Variants in ABTB2 observed in about 807,000 individuals in gnomAD.
ABTB2 encodes the protein ankyrin repeat and BTB/POZ domain-containing protein 2.
ABTB2 carries 56 observed loss-of-function variants against 104.1 expected under a neutral mutation model. The ratio of observed to expected loss-of-function variants is 0.54; its 90% confidence interval spans 0.43 to 0.67. The LOEUF is 0.67. ABTB2 is among the 30% of genes least tolerant of loss of function. The pLI, the probability that ABTB2 is intolerant of heterozygous loss-of-function variation, is 0.00. For missense variants in ABTB2, 1,279 were observed against 1,407.7 expected (o/e 0.91, Z 1.46); for synonymous variants, 606 against 608.2 (o/e 1.00, Z 0.05).
intron 4 of ABTB2, among the ~76,000 whole-genome samples, chr11:34,171,810 C>G (rs1325375873): frequency 2.0e-5 from 3 of 152,176 alleles, no homozygotes; most frequent in South Asian, 4.1e-4. Flanking sequence ...TCTACATTCT[C>G]TCTCTTTAAG....
At chr11:34,260,302 C>A (rs759012846) in intron 1 of ABTB2, among the ~76,000 whole-genome samples, 1 of 152,186 alleles carries the variant, frequency 6.6e-6, no homozygotes, top group Non-Finnish European at 1.5e-5. Context: ...GAGAAGCAAG[C>A]TGAATACAAA....
Position 34,298,085 on chromosome 11 carries a change from G to GT in ABTB2, c.883+58615dup, listed in dbSNP as rs369442459. ...CCTGAAATGTGAGAAATAAATGTCT[G>GT]TTTTTTTTTTTTTTTAAATAAATTA... On this transcript the variant is annotated intron_variant, in intron 1 of 16. Coordinates refer to ENST00000435224, the MANE Select transcript of ABTB2 (RefSeq NM_145804.3). Among the ~76,000 whole-genome samples the GT allele has an allele frequency of 5.2e-3, 730 of 140,446 alleles. 1 individual carries two copies. Among genetic ancestry groups the GT allele is most frequent in the Middle Eastern group, 7.1e-3 (2 of 282 alleles). The allele number at this position is 140,446 out of a possible 152,430, so 92.1% of individuals were successfully genotyped here. A position where few individuals can be genotyped will look rare whatever the true frequency, so the allele number is the denominator to read the frequency against.
At chr11:34,165,663 CAT>C (rs1453108059) in intron 7 of ABTB2, among the ~76,000 whole-genome samples, 1 of 152,240 alleles carries the variant, frequency 6.6e-6, no homozygotes, top group Non-Finnish European at 1.5e-5. Context: ...TCTGAGAACA[CAT>C]GTGGATGAGC....
chr11:34,288,495 G>T (rs1854530368), intron 1 of ABTB2, among the ~76,000 whole-genome samples: 1 of 152,104 alleles, frequency 6.6e-6, no homozygotes, highest in Non-Finnish European at 1.5e-5. Flanking sequence ...TGTGCCCCTT[G>T]CAAGTTTTCT....
At chr11:34,325,337 T>A (rs1179262636) in intron 1 of ABTB2, among the ~76,000 whole-genome samples, 3 of 152,162 alleles carry the variant, frequency 2.0e-5, no homozygotes, top group African/African-American at 7.2e-5. Flanking sequence ...TACCTTCCAG[T>A]ATGTGTTCTT....
chr11:34,325,549 T>A (rs1282469050), intron 1 of ABTB2, among the ~76,000 whole-genome samples: 2 of 152,216 alleles, frequency 1.3e-5, no homozygotes, highest in Admixed American at 6.5e-5. Flanking sequence ...GAAAAGTGCA[T>A]GGCACATAGT....
rs1292687907 is a variant in ABTB2, at chr11:34,288,997, G to A, written c.883+67704C>T. Among the ~76,000 whole-genome samples, 3 of 152,200 alleles carry A rather than the reference G, an allele frequency of 2.0e-5. No homozygotes were observed. In the East Asian group the frequency reaches 5.8e-4, roughly 29 times the overall value. Reference sequence around the variant, plus strand: ...TTTACTGAGGTCATGTTTGTTAAATGAGAATCTGCTTTTCCAATTCTGGCG... The same window carrying A: ...TTTACTGAGGTCATGTTTGTTAAATAAGAATCTGCTTTTCCAATTCTGGCG... On this transcript the variant is annotated intron_variant, in intron 1 of 16. Coordinates refer to ENST00000435224, the MANE Select transcript of ABTB2 (RefSeq NM_145804.3).
At chr11:34,318,335 C>T (rs888537133) in intron 1 of ABTB2, among the ~76,000 whole-genome samples, 1 of 152,122 alleles carries the variant, frequency 6.6e-6, no homozygotes, top group Non-Finnish European at 1.5e-5. Flanking sequence ...CATTGTTTAG[C>T]TCCCATTTAT....
chr11:34,240,366 T>C (rs746939069), intron 1 of ABTB2, among the ~76,000 whole-genome samples: 3 of 152,222 alleles, frequency 2.0e-5, no homozygotes, highest in Admixed American at 2.0e-4. Flanking sequence ...GCGATCCACC[T>C]GGCCACTGCA....
intron 1 of ABTB2, among the ~76,000 whole-genome samples, chr11:34,210,617 C>T (rs1438878716): frequency 6.6e-6 from 1 of 152,198 alleles, no homozygotes; most frequent in African/African-American, 2.4e-5. Flanking sequence ...AATGTTCTTT[C>T]TGGGCAATGG....
chr11:34,283,065 T>C (rs1854466644), intron 1 of ABTB2, among the ~76,000 whole-genome samples: 2 of 146,568 alleles, frequency 1.4e-5, no homozygotes, highest in African/African-American at 2.6e-5. Flanking sequence ...CCCGCCACCA[T>C]GCCCAGCTAA....
intron 3 of ABTB2, among the ~76,000 whole-genome samples, chr11:34,196,912 G>A (rs1853263410): frequency 6.6e-6 from 1 of 152,250 alleles, no homozygotes; most frequent in Non-Finnish European, 1.5e-5. Flanking sequence ...CCCATGAAAA[G>A]AGGTGACAGC....
intron 1 of ABTB2, among the ~76,000 whole-genome samples, chr11:34,263,936 T>C (rs1032150844): frequency 1.4e-4 from 22 of 152,104 alleles, no homozygotes; most frequent in African/African-American, 5.1e-4. Flanking sequence ...ACAAGGCTGG[T>C]GTGTGTGAGT....
intron 1 of ABTB2, among the ~76,000 whole-genome samples, chr11:34,320,796 C>G (rs1854991753): frequency 6.6e-6 from 1 of 152,238 alleles, no homozygotes; most frequent in Non-Finnish European, 1.5e-5. Flanking sequence ...GCAGCACATT[C>G]AAGCTTGCCA....
chr11:34,290,635 A>T (rs1330741525), intron 1 of ABTB2, among the ~76,000 whole-genome samples: 4 of 152,192 alleles, frequency 2.6e-5, no homozygotes, highest in African/African-American at 9.7e-5. Flanking sequence ...TGAGGCCAGG[A>T]GTTCAAGACC....
intron 1 of ABTB2, among the ~76,000 whole-genome samples, chr11:34,323,954 C>T (rs1231491725): frequency 7.0e-6 from 1 of 143,530 alleles, no homozygotes; most frequent in Non-Finnish European, 1.5e-5. Flanking sequence ...CACTCTGTTG[C>T]CCAGGCTGGA....
At chr11:34,179,589 C>T (rs1441766679) in intron 3 of ABTB2, among the ~76,000 whole-genome samples, 1 of 152,252 alleles carries the variant, frequency 6.6e-6, no homozygotes, top group Non-Finnish European at 1.5e-5. Context: ...GGCATCCTCA[C>T]TGGGAGAAAG....
chr11:34,216,398 T>C lies in ABTB2; in HGVS notation c.884-11708A>G, dbSNP rs147884050. On this transcript the variant is annotated intron_variant, in intron 1 of 16. Coordinates refer to ENST00000435224, the MANE Select transcript of ABTB2 (RefSeq NM_145804.3). Reference sequence around the variant, plus strand: ...CCATAGTTTTGCCTTTTTAAGAATGTCATATAGTTGGAATCATACTATACA... The same window carrying C: ...CCATAGTTTTGCCTTTTTAAGAATGCCATATAGTTGGAATCATACTATACA... Among the ~76,000 whole-genome samples the C allele has an allele frequency of 2.7e-3, 406 of 152,296 alleles. 3 individuals are homozygous for C. The highest frequency in any genetic ancestry group is 0.018 in the East Asian group (93 of 5,182).
intron 1 of ABTB2, among the ~76,000 whole-genome samples, chr11:34,277,476 A>AT (rs200840720): frequency 6.7e-6 from 1 of 149,282 alleles, no homozygotes; most frequent in African/African-American, 2.6e-5. Context: ...TAAATGTCTT[A>AT]TTTAAAAAAA....
Sources: allele counts gnomAD v4.1 joint callset (sites outside exome capture counted in the v4.1 genomes callset), GRCh38; gene constraint gnomAD v4.1.1; transcripts MANE v1.5; gene names NCBI Gene and HGNC (gene_info 2026-07-23, HGNC 2026-07-21).